Variants in RBM46 observed in about 807,000 individuals in gnomAD.
RBM46 encodes RNA binding motif protein 46, also known as probable RNA-binding protein 46.
Under a neutral mutation model 43.3 loss-of-function variants are expected in RBM46, and 12 were observed. The observed-to-expected ratio is 0.28, with a 90% CI of 0.18 to 0.45. The LOEUF is 0.45. RBM46 is among the 20% of genes least tolerant of loss of function. The pLI is 1.00. For synonymous variants in RBM46, 205 were observed against 207.6 expected, an observed-to-expected ratio of 0.99 and a Z score of 0.11; for missense variants, 412 against 639.1, an observed-to-expected ratio of 0.64 and a Z score of 3.83.
chr4:154,807,016 C>G (rs1248801849), intron 4 of RBM46, among the ~76,000 whole-genome samples: 1 of 151,794 alleles, frequency 6.6e-6, no homozygotes, highest in African/African-American at 2.4e-5. Flanking sequence ...TCCTAAAATA[C>G]TCCTTCTAAT....
At chr4:154,794,371 G>A (rs376201835) in intron 1 of RBM46, among the ~76,000 whole-genome samples, 2 of 151,660 alleles carry the variant, frequency 1.3e-5, no homozygotes, top group East Asian at 1.9e-4. Context: ...TACTAGAGAC[G>A]GGGTTTCACC....
At chr4:154,789,890 G>A (rs1481670487) in intron 1 of RBM46, among the ~76,000 whole-genome samples, 1 of 152,028 alleles carries the variant, frequency 6.6e-6, no homozygotes, top group Non-Finnish European at 1.5e-5. Flanking sequence ...ACTTCTTCCT[G>A]GTTTAGTCTT....
intron 1 of RBM46, among the ~76,000 whole-genome samples, chr4:154,789,625 C>G (rs188465638): frequency 1.3e-5 from 2 of 152,214 alleles, no homozygotes; most frequent in Admixed American, 6.5e-5. Flanking sequence ...GGATATTGGT[C>G]TAAAATTCTC....
chr4:154,799,897 C>T (rs1734541670), intron 4 of RBM46, among the ~76,000 whole-genome samples: 1 of 151,770 alleles, frequency 6.6e-6, no homozygotes, highest in African/African-American at 2.4e-5. Flanking sequence ...GTAGCTGGGA[C>T]TACAGGCACG....
chr4:154,826,002 A>G (rs956293887), intron 4 of RBM46, among the ~76,000 whole-genome samples: 1 of 152,192 alleles, frequency 6.6e-6, no homozygotes, highest in African/African-American at 2.4e-5. Flanking sequence ...ATAGATGGCT[A>G]ATAAGAAATT....
At chr4:154,784,673 C>A (rs1733672803) in intron 1 of RBM46, among the ~76,000 whole-genome samples, 2 of 152,318 alleles carry the variant, frequency 1.3e-5, no homozygotes, top group South Asian at 4.1e-4. Context: ...CCCACTTTGT[C>A]TGCAAAACCA....
intron 4 of RBM46, among the ~76,000 whole-genome samples, chr4:154,814,127 G>C (rs905513443): frequency 2.0e-5 from 3 of 151,628 alleles, no homozygotes; most frequent in Non-Finnish European, 4.4e-5. Flanking sequence ...CCCTTATTTT[G>C]GCCCTTATTC....
chr4:154,787,368 G>A (rs894099975), intron 1 of RBM46: 3 of 123,204 alleles, frequency 2.4e-5, no homozygotes, highest in Non-Finnish European at 4.7e-5. Flanking sequence ...GATGTGTGAT[G>A]TTCCCCACCC....
intron 4 of RBM46, among the ~76,000 whole-genome samples, chr4:154,815,358 A>T (rs1735382350): frequency 6.6e-6 from 1 of 152,026 alleles, no homozygotes; most frequent in Non-Finnish European, 1.5e-5. Context: ...GTGGTGGGTC[A>T]TGTTTTTTAA....
intron 4 of RBM46, among the ~76,000 whole-genome samples, chr4:154,817,834 CT>C (rs151092903): frequency 0.045 from 6,811 of 151,524 alleles, 484 homozygotes; most frequent in African/African-American, 0.15. Context: ...CATTTCTTGC[CT>C]TTTTTTTATA....
chr4:154,807,382 A>G (rs1165165257), intron 4 of RBM46, among the ~76,000 whole-genome samples: 2 of 151,488 alleles, frequency 1.3e-5, no homozygotes, highest in African/African-American at 4.8e-5. Context: ...GAAATGCTCT[A>G]CTTAGTCTTC....
intron 1 of RBM46, among the ~76,000 whole-genome samples, chr4:154,788,494 T>C (rs980888783): frequency 1.3e-5 from 2 of 152,274 alleles, no homozygotes; most frequent in Non-Finnish European, 1.5e-5. Flanking sequence ...ATCAGATGGT[T>C]GTAGATGTGT....
chr4:154,795,879 C>T (rs1039269410), intron 1 of RBM46, among the ~76,000 whole-genome samples: 4 of 152,012 alleles, frequency 2.6e-5, no homozygotes, highest in South Asian at 2.1e-4. Context: ...TATTTAGGGC[C>T]GGGTGCAGTG....
intron 1 of RBM46, among the ~76,000 whole-genome samples, chr4:154,790,871 G>C (rs538901000): frequency 6.6e-6 from 1 of 152,172 alleles, no homozygotes; most frequent in Non-Finnish European, 1.5e-5. Context: ...AGATTAAGTT[G>C]ATTCTAAATT....
At chr4:154,796,099 CCAACACTGCAGG>C (rs1200086727) in intron 1 of RBM46, among the ~76,000 whole-genome samples, 1 of 152,114 alleles carries the variant, frequency 6.6e-6, no homozygotes, top group African/African-American at 2.4e-5. Context: ...GACCAGGAAG[CCAACACTGCAGG>C]AGCCACCTTC....
intron 1 of RBM46, among the ~76,000 whole-genome samples, chr4:154,794,150 C>A (rs767728636): frequency 6.7e-6 from 1 of 150,096 alleles, no homozygotes; most frequent in Non-Finnish European, 1.5e-5. Context: ...CCACCATCAT[C>A]TCTTGCCTGG....
At chr4:154,805,634 A>T (rs1388958520) in intron 4 of RBM46, among the ~76,000 whole-genome samples, 1 of 151,988 alleles carries the variant, frequency 6.6e-6, no homozygotes, top group Non-Finnish European at 1.5e-5. Flanking sequence ...TTAATCTGAA[A>T]AATATTTGGT....
chr4:154,804,085 AG>A (rs1327829757), intron 4 of RBM46, among the ~76,000 whole-genome samples: 1 of 152,170 alleles, frequency 6.6e-6, no homozygotes, highest in Non-Finnish European at 1.5e-5. Flanking sequence ...CATGAATAAA[AG>A]TTCCTTGAGG....
At chr4:154,796,658 G>GT in intron 1 of RBM46, 84 bp from the exon 2 acceptor site, 2 of 939,508 alleles carry the variant, frequency 2.1e-6, no homozygotes, top group South Asian at 3.7e-5. Flanking sequence ...AACTGTCTTT[G>GT]TTTTTCTGCA....
Sources: gnomAD v4.1 joint callset for allele counts (sites outside exome capture counted in the v4.1 genomes callset) on GRCh38, gnomAD v4.1.1 for gene constraint, MANE v1.5 for transcripts, NCBI Gene and HGNC (gene_info 2026-07-23, HGNC 2026-07-21) for gene names.